ASTN2: variants seen among roughly 807,000 people sequenced by gnomAD.
The protein encoded by ASTN2 is astrotactin-2.
Under a neutral mutation model 139.8 loss-of-function variants are expected in ASTN2, and 54 were observed. That is an observed-to-expected ratio of 0.39 (90% CI 0.31 to 0.48). The LOEUF (loss-of-function observed/expected upper bound fraction) is 0.48, where lower values mean the gene tolerates loss of function less well. Ranked by LOEUF, ASTN2 falls within the 20% of genes least tolerant of loss-of-function variation. The probability of loss-of-function intolerance (pLI) is 0.95; values close to 1 mark genes in which losing one functional copy is unlikely to be tolerated. For missense variants in ASTN2, 1,565 were observed against 1,725.1 expected, an observed-to-expected ratio of 0.91 and a Z score of 1.64; for synonymous variants, 756 against 719.5, an observed-to-expected ratio of 1.05 and a Z score of -0.81.
chr9:117,121,909 C>T (rs1171681761), intron 4 of ASTN2, among the ~76,000 whole-genome samples: 2 of 152,174 alleles, frequency 1.3e-5, no homozygotes, highest in Admixed American at 6.5e-5. Flanking sequence ...AACTCACTCA[C>T]CATCTTGAGA....
chr9:117,031,315 A>G (rs1838240712), intron 6 of ASTN2, among the ~76,000 whole-genome samples: 1 of 152,142 alleles, frequency 6.6e-6, no homozygotes, highest in South Asian at 2.1e-4. Flanking sequence ...TTACAGACAC[A>G]ATTTCTTATA....
At chr9:116,781,715 T>C (rs1034305862) in intron 13 of ASTN2, among the ~76,000 whole-genome samples, 5 of 152,282 alleles carry the variant, frequency 3.3e-5, no homozygotes, top group Admixed American at 1.3e-4. Flanking sequence ...CATGGGTTTC[T>C]TGATGCAGTC....
In ASTN2 at chr9:116,566,012, A is replaced by G. The variant is rs556247398; in HGVS notation, c.3355+52312T>C. Among the ~76,000 whole-genome samples, 234 of 152,312 alleles carry G rather than the reference A, an allele frequency of 1.5e-3. 1 individual carries two copies. The highest frequency in any genetic ancestry group is 2.6e-3 in the Non-Finnish European group (179 of 68,016). ...TACATGTGTAAGCTCTGTCTCTTAC[A>G]TAGCCCTCCAGTCCATCCTCCAAGC... On this transcript the variant is annotated intron_variant, in intron 19 of 22. Coordinates refer to ENST00000313400, the MANE Select transcript of ASTN2 (RefSeq NM_001365068.1).
chr9:117,304,383 A>G (rs985810363), intron 1 of ASTN2, among the ~76,000 whole-genome samples: 10 of 152,114 alleles, frequency 6.6e-5, no homozygotes, highest in Non-Finnish European at 1.5e-4. Context: ...CTCCTCCCCA[A>G]GTCTCTGAGC....
chr9:117,036,203 C>A (rs1344353174), intron 6 of ASTN2, among the ~76,000 whole-genome samples: 1 of 152,130 alleles, frequency 6.6e-6, no homozygotes. Flanking sequence ...AAACTTACTT[C>A]ATTTGAAAGG....
chr9:116,433,204 T>C (rs1847550621), intron 22 of ASTN2, among the ~76,000 whole-genome samples: 1 of 152,192 alleles, frequency 6.6e-6, no homozygotes, highest in South Asian at 2.1e-4. Context: ...ACAACCAGAT[T>C]AATGAGTGAT....
At chr9:117,138,403 A>G (rs1217946663) in intron 4 of ASTN2, among the ~76,000 whole-genome samples, 1 of 152,074 alleles carries the variant, frequency 6.6e-6, no homozygotes, top group Non-Finnish European at 1.5e-5. Context: ...TAAAGAAGGA[A>G]CCGTTTGCTG....
intron 2 of ASTN2, among the ~76,000 whole-genome samples, chr9:117,256,668 G>A (rs1001159383): frequency 3.9e-5 from 6 of 151,944 alleles, no homozygotes; most frequent in South Asian, 2.1e-4. Flanking sequence ...ATAAGAATAC[G>A]GAAAAGGGAA....
At chr9:116,956,040 G>T (rs1197523467) in intron 10 of ASTN2, among the ~76,000 whole-genome samples, 1 of 151,362 alleles carries the variant, frequency 6.6e-6, no homozygotes, top group Non-Finnish European at 1.5e-5. Flanking sequence ...AAATGCCACT[G>T]CCTTTAGTAC....
At chr9:117,117,678 T>A (rs991730599) in intron 4 of ASTN2, among the ~76,000 whole-genome samples, 2 of 152,206 alleles carry the variant, frequency 1.3e-5, no homozygotes, top group African/African-American at 4.8e-5. Context: ...TCCAATTTAA[T>A]CCTGTTTGCT....
At chr9:116,603,403 C>T (rs972266944) in intron 19 of ASTN2, among the ~76,000 whole-genome samples, 1 of 152,108 alleles carries the variant, frequency 6.6e-6, no homozygotes, top group African/African-American at 2.4e-5. Flanking sequence ...ACAAAGTCTA[C>T]AGTGTGGCCC....
chr9:116,767,793 A>G (rs1829849214), intron 13 of ASTN2, among the ~76,000 whole-genome samples: 1 of 152,164 alleles, frequency 6.6e-6, no homozygotes, highest in Non-Finnish European at 1.5e-5. Flanking sequence ...AATGATGGGG[A>G]ACAGAGGAAT....
chr9:117,362,162 C>T (rs1471140008), intron 1 of ASTN2, among the ~76,000 whole-genome samples: 4 of 152,184 alleles, frequency 2.6e-5, no homozygotes, highest in Admixed American at 6.5e-5. Context: ...TTAATAGAGA[C>T]GGGGTTTTGC....
chr9:117,369,828 T>TA (rs1829942323), intron 1 of ASTN2, among the ~76,000 whole-genome samples: 1 of 152,138 alleles, frequency 6.6e-6, no homozygotes, highest in Admixed American at 6.6e-5. Context: ...TGCAGAGGCT[T>TA]TAACAAGAGA....
Position 116,442,501 on chromosome 9 carries a change from C to A in ASTN2, c.3550G>T (p.Val1184Leu). The part of the protein sequence containing the change: ...TRGRHSELST[V>L]TLRTACPLVD... ...AGTGGACAGGCCGTCCTCAGGGTCA[C>A]CGTGCTTAGCTCTGAGTGCCTCCCT... is the stretch of plus-strand genomic sequence containing the variant. Residue 1184 changes from valine to leucine, a missense_variant, in exon 21 of 23, where the codon GTG becomes TTG. Around this residue, in one of 4 missense-constraint regions of ASTN2, gnomAD observed 418 missense variants for 465.8 expected, o/e 0.90. Transcript: ENST00000313400. 3 of 1,614,116 alleles carry A rather than the reference C, an allele frequency of 1.9e-6. No homozygotes were observed. Among genetic ancestry groups the A allele is most frequent in the Non-Finnish European group, 2.5e-6 (3 of 1,180,032 alleles).
chr9:116,751,654 T>C (rs1288418643), intron 13 of ASTN2, among the ~76,000 whole-genome samples: 1 of 152,100 alleles, frequency 6.6e-6, no homozygotes, highest in Non-Finnish European at 1.5e-5. Context: ...TAATAAGTGA[T>C]TATGACAAGC....
intron 12 of ASTN2, among the ~76,000 whole-genome samples, chr9:116,819,412 G>A (rs768598429): frequency 2.6e-5 from 4 of 152,026 alleles, no homozygotes; most frequent in Non-Finnish European, 4.4e-5. Flanking sequence ...TACATATCTA[G>A]GGCCTCCAGT....
At chr9:117,378,301 C>A (rs1368814702) in intron 1 of ASTN2, among the ~76,000 whole-genome samples, 1 of 152,144 alleles carries the variant, frequency 6.6e-6, no homozygotes, top group African/African-American at 2.4e-5. Context: ...CCACCATCTT[C>A]AAGGTCTAGA....
chr9:117,300,969 T>A (rs1834861882), intron 1 of ASTN2, among the ~76,000 whole-genome samples: 1 of 152,152 alleles, frequency 6.6e-6, no homozygotes, highest in Non-Finnish European at 1.5e-5. Context: ...ATCTTTTACA[T>A]GAAACTGTTT....
Sources: allele counts gnomAD v4.1 joint callset (sites outside exome capture counted in the v4.1 genomes callset), GRCh38; gene constraint gnomAD v4.1.1; regional missense constraint gnomAD v4.1.1; transcripts MANE v1.5; gene names NCBI Gene and HGNC (gene_info 2026-07-23, HGNC 2026-07-21).